The following RMST variants were observed in gnomAD, a reference collection of about 807,000 sequenced individuals.
The protein encoded by RMST is rhabdomyosarcoma 2 associated transcript, also known as long intergenic non-protein coding RNA 54.
intron 10 of RMST, among the ~76,000 whole-genome samples, chr12:97,507,785 G>A (rs1413027217): frequency 2.0e-5 from 3 of 152,140 alleles, no homozygotes; most frequent in East Asian, 1.9e-4. Flanking sequence ...GTATTTGTGA[G>A]GCTGTAGAAC....
chr12:97,538,145 AC>A (rs113887553), intron 11 of RMST, among the ~76,000 whole-genome samples: 29 of 151,324 alleles, frequency 1.9e-4, no homozygotes, highest in African/African-American at 7.0e-4. Flanking sequence ...TTCCTTTTGC[AC>A]CCCCCAAAAA....
exon 13 of RMST, chr12:97,560,973 A>G (rs1312170076): frequency 1.3e-5 from 2 of 152,356 alleles, no homozygotes; most frequent in African/African-American, 4.8e-5. Context: ...GTCAGCAGAA[A>G]ATGAGAAAGT....
At chr12:97,535,727 T>C (rs1882019648) in intron 11 of RMST, among the ~76,000 whole-genome samples, 1 of 151,588 alleles carries the variant, frequency 6.6e-6, no homozygotes, top group South Asian at 2.1e-4. Context: ...TTTAAACCAT[T>C]TCCACAGAAA....
intron 10 of RMST, among the ~76,000 whole-genome samples, chr12:97,513,466 T>C (rs1879626320): frequency 6.6e-6 from 1 of 152,212 alleles, no homozygotes; most frequent in Non-Finnish European, 1.5e-5. Flanking sequence ...GTAGAGTGCC[T>C]ACTATGTGCT....
rs139345627 is a variant in RMST at position 97,488,017 on chromosome 12, C to G, written n.645-4444C>G. ...GCTGCTCACTCTGTGAGACTTTCGG[C>G]AGAAGGCTGTCTCTGGGACATGCCA... On this transcript the variant is annotated intron_variant and non_coding_transcript_variant, in intron 5 of 13. Transcript: ENST00000640149. 1.4e-3 allele frequency among the ~76,000 whole-genome samples: 209 copies of G among 152,322 alleles called. 1 individual carries two copies. Among genetic ancestry groups the G allele is most frequent in the African/African-American group, 4.7e-3 (194 of 41,570 alleles).
At chr12:97,511,678 A>G (rs527363977) in intron 10 of RMST, among the ~76,000 whole-genome samples, 1 of 152,218 alleles carries the variant, frequency 6.6e-6, no homozygotes, top group South Asian at 2.1e-4. Flanking sequence ...TGTAGGAAGT[A>G]AGTACTATTT....
intron 10 of RMST, among the ~76,000 whole-genome samples, chr12:97,519,277 A>AT (rs1216119692): frequency 1.3e-5 from 2 of 152,188 alleles, no homozygotes; most frequent in African/African-American, 4.8e-5. Context: ...TGACTGAGTG[A>AT]TAATGTAATT....
At chr12:97,510,022 G>A (rs1351131316) in intron 10 of RMST, among the ~76,000 whole-genome samples, 2 of 152,000 alleles carry the variant, frequency 1.3e-5, no homozygotes, top group African/African-American at 4.8e-5. Context: ...CATAGAGGGT[G>A]GTCAATAAAA....
chr12:97,515,686 T>C (rs1420731533), intron 10 of RMST, among the ~76,000 whole-genome samples: 1 of 152,148 alleles, frequency 6.6e-6, no homozygotes, highest in Non-Finnish European at 1.5e-5. Context: ...ATTTGTGCCA[T>C]AGAACTTATG....
intron 11 of RMST, among the ~76,000 whole-genome samples, chr12:97,538,878 A>T (rs1024038556): frequency 1.3e-5 from 2 of 151,566 alleles, no homozygotes; most frequent in Admixed American, 6.6e-5. Flanking sequence ...TGTGAAAATG[A>T]TTCACAAATG....
chr12:97,562,427 A>G (rs1362876149), intron 13 of RMST, among the ~76,000 whole-genome samples: 1 of 152,060 alleles, frequency 6.6e-6, no homozygotes, highest in Non-Finnish European at 1.5e-5. Context: ...CCCCTTCCCT[A>G]ATGGAAGGAG....
intron 5 of RMST, among the ~76,000 whole-genome samples, chr12:97,480,392 G>A (rs918141149): frequency 6.6e-6 from 1 of 152,104 alleles, no homozygotes; most frequent in African/African-American, 2.4e-5. Context: ...CACACTAAAC[G>A]TTTCGTGAAT....
intron 10 of RMST, among the ~76,000 whole-genome samples, chr12:97,527,585 GCTTCTC>G (rs766035878): frequency 1.3e-5 from 2 of 152,158 alleles, no homozygotes; most frequent in Non-Finnish European, 2.9e-5. Context: ...CTCCAGGTCA[GCTTCTC>G]CTATTTTAAT....
chr12:97,527,610 A>C (rs1246204315), intron 10 of RMST, among the ~76,000 whole-genome samples: 1 of 152,168 alleles, frequency 6.6e-6, no homozygotes, highest in Non-Finnish European at 1.5e-5. Flanking sequence ...ATCTGTTTCC[A>C]GCAGTTCTGC....
intron 10 of RMST, among the ~76,000 whole-genome samples, chr12:97,507,286 T>C (rs571108886): frequency 6.7e-6 from 1 of 148,312 alleles, no homozygotes; most frequent in South Asian, 2.1e-4. Context: ...CTTTTTTTTT[T>C]TAAAAAAAAA....
chr12:97,538,930 A>G (rs1320129224), intron 11 of RMST, among the ~76,000 whole-genome samples: 1 of 151,448 alleles, frequency 6.6e-6, no homozygotes, highest in Non-Finnish European at 1.5e-5. Flanking sequence ...ATGTTGACAT[A>G]CTGTTAACTG....
chr12:97,559,033 A>C (rs1172166112), intron 11 of RMST, among the ~76,000 whole-genome samples: 1 of 152,170 alleles, frequency 6.6e-6, no homozygotes, highest in African/African-American at 2.4e-5. Flanking sequence ...AAAAATTCAC[A>C]CAGAACGACA....
intron 11 of RMST, among the ~76,000 whole-genome samples, chr12:97,536,466 T>A (rs11109099): frequency 0.23 from 34,941 of 151,354 alleles, 5,875 homozygotes; most frequent in African/African-American, 0.47. Context: ...CTCATTGTTG[T>A]CTCTTTTGGT....
chr12:97,468,861 A>C (rs970797789), intron 5 of RMST, among the ~76,000 whole-genome samples: 1 of 152,028 alleles, frequency 6.6e-6, no homozygotes, highest in Non-Finnish European at 1.5e-5. Context: ...TCACTCATGC[A>C]TCAAATGTTG....
Sources: gnomAD v4.1 joint callset for allele counts (sites outside exome capture counted in the v4.1 genomes callset) on GRCh38, gnomAD v4.1.1 for gene constraint, MANE v1.5 for transcripts, NCBI Gene and HGNC (gene_info 2026-07-23, HGNC 2026-07-21) for gene names.